Variants in CACNA2D3 observed in about 807,000 individuals in gnomAD.
The protein encoded by CACNA2D3 is voltage-dependent calcium channel subunit alpha-2/delta-3.
Under a neutral mutation model 160.6 loss-of-function variants are expected in CACNA2D3, and 60 were observed. That is an observed-to-expected ratio of 0.37 (90% CI 0.30 to 0.46). The LOEUF (loss-of-function observed/expected upper bound fraction) is 0.46. Among genes scored for constraint, CACNA2D3 ranks in the 20% least tolerant of loss-of-function variants. The pLI, the probability that CACNA2D3 is intolerant of heterozygous loss-of-function variation, is 1.00. For synonymous variants in CACNA2D3, 558 were observed against 492.9 expected (o/e 1.13, Z -1.75); for missense variants, 1,205 against 1,365.0 (o/e 0.88, Z 1.85).
intron 5 of CACNA2D3, among the ~76,000 whole-genome samples, chr3:54,516,584 T>C (rs983230184): frequency 6.6e-6 from 1 of 152,180 alleles, no homozygotes; most frequent in African/African-American, 2.4e-5. Flanking sequence ...TAGAGATCAA[T>C]AAAATGGCCT....
At position 55,073,469 on chromosome 3, in the gene CACNA2D3, A is replaced by G. The variant is rs748601362; in HGVS notation, c.3012A>G (p.Pro1004=). 6 of 1,613,794 alleles carry G rather than the reference A, an allele frequency of 3.7e-6. No homozygotes were observed. Among genetic ancestry groups the G allele is most frequent in the African/African-American group, 1.3e-5 (1 of 74,884 alleles). ...CSKSFVIQQI[P]SSNLFMVVVD... is the part of the protein sequence containing the mutation. ...GGTCCTTTGTCATCCAGCAAATCCC[A>G]AGCAGCAACCTGTTCATGGTGGTGG... is the stretch of plus-strand genomic sequence containing the variant. The change falls in exon 36 of 38, where the codon CCA becomes CCG. Residue 1004 remains proline (P), a synonymous_variant. Coordinates refer to ENST00000474759, the MANE Select transcript of CACNA2D3 (RefSeq NM_018398.3).
At chr3:54,979,871 A>G (rs1411860832) in intron 29 of CACNA2D3, among the ~76,000 whole-genome samples, 2 of 152,222 alleles carry the variant, frequency 1.3e-5, no homozygotes, top group Non-Finnish European at 2.9e-5. Flanking sequence ...GTGGATGATA[A>G]AAAGTCTTAG....
At chr3:54,202,042 G>C (rs1008072404) in intron 2 of CACNA2D3, among the ~76,000 whole-genome samples, 1 of 152,198 alleles carries the variant, frequency 6.6e-6, no homozygotes, top group African/African-American at 2.4e-5. Context: ...ATATAAACAT[G>C]TGCCATGCAA....
intron 13 of CACNA2D3, among the ~76,000 whole-genome samples, chr3:54,797,670 C>A (rs1478643690): frequency 6.6e-6 from 1 of 152,118 alleles, no homozygotes; most frequent in Non-Finnish European, 1.5e-5. Context: ...ATTTAAAGCA[C>A]CTTACTGATT....
intron 14 of CACNA2D3, among the ~76,000 whole-genome samples, chr3:54,833,591 A>G (rs1034900526): frequency 1.1e-4 from 17 of 148,280 alleles, no homozygotes; most frequent in Admixed American, 3.4e-4. Flanking sequence ...GTGGTCTGGG[A>G]AAAAAAAAAC....
At chr3:54,351,430 T>C (rs915837411) in intron 3 of CACNA2D3, among the ~76,000 whole-genome samples, 1 of 152,176 alleles carries the variant, frequency 6.6e-6, no homozygotes, top group Admixed American at 6.5e-5. Context: ...GTTGGAATGG[T>C]GTTCAAACTA....
At chr3:54,291,346 C>T (rs1010203154) in intron 2 of CACNA2D3, among the ~76,000 whole-genome samples, 3 of 152,158 alleles carry the variant, frequency 2.0e-5, no homozygotes, top group Non-Finnish European at 4.4e-5. Context: ...AATGGCATGT[C>T]CATATGTAAA....
chr3:54,226,158 G>T (rs764763666), intron 2 of CACNA2D3, among the ~76,000 whole-genome samples: 2 of 151,966 alleles, frequency 1.3e-5, no homozygotes, highest in Non-Finnish European at 2.9e-5. Context: ...GGTCTGTTTC[G>T]GTTTTCTGCC....
chr3:54,410,585 C>T (rs1317654844), intron 4 of CACNA2D3, among the ~76,000 whole-genome samples: 1 of 152,114 alleles, frequency 6.6e-6, no homozygotes, highest in East Asian at 1.9e-4. Context: ...CTGTTTGCCG[C>T]ATGGTTTACT....
intron 16 of CACNA2D3, among the ~76,000 whole-genome samples, chr3:54,846,125 A>C (rs1284847800): frequency 6.6e-6 from 1 of 152,230 alleles, no homozygotes; most frequent in African/African-American, 2.4e-5. Flanking sequence ...TTTTGTTTTA[A>C]ATAAATCAAA....
chr3:54,920,283 T>A (rs1459469241), intron 27 of CACNA2D3, among the ~76,000 whole-genome samples: 1 of 152,186 alleles, frequency 6.6e-6, no homozygotes, highest in Non-Finnish European at 1.5e-5. Context: ...TAAGTGGCCC[T>A]GTAAGTAGAT....
chr3:54,285,612 G>C (rs1425384576), intron 2 of CACNA2D3, among the ~76,000 whole-genome samples: 7 of 152,226 alleles, frequency 4.6e-5, no homozygotes, highest in Admixed American at 4.6e-4. Context: ...CTGGAGATCT[G>C]AGAATGGACA....
chr3:54,914,842 G>A (rs4468946), intron 27 of CACNA2D3, among the ~76,000 whole-genome samples: 16,957 of 152,250 alleles, frequency 0.11, 959 homozygotes, highest in Middle Eastern at 0.15. Context: ...ATGGATACAG[G>A]GATGGGTTTT....
intron 35 of CACNA2D3, among the ~76,000 whole-genome samples, chr3:55,040,884 A>G (rs1040687631): frequency 7.2e-5 from 11 of 152,088 alleles, no homozygotes; most frequent in African/African-American, 2.4e-4. Flanking sequence ...CCATTTCCCA[A>G]TCCTTCATCC....
intron 10 of CACNA2D3, 34 bp downstream of exon 10, chr3:54,627,910 T>C: frequency 7.2e-7 from 1 of 1,388,984 alleles, no homozygotes; most frequent in Non-Finnish European, 1.0e-6. Context: ...TTCTCATCCC[T>C]TGGAGAATAG....
At chr3:54,297,670 G>A (rs1703372071) in intron 2 of CACNA2D3, among the ~76,000 whole-genome samples, 2 of 151,256 alleles carry the variant, frequency 1.3e-5, no homozygotes, top group Admixed American at 1.3e-4. Context: ...TCTCAAATCA[G>A]GGTGCTTTGT....
At position 54,522,925 on chromosome 3, in the gene CACNA2D3, T is replaced by TTACTTAC. The variant is rs1559503808; in HGVS notation, c.544+19272_544+19273insACTTACT. 8.6e-4 allele frequency among the ~76,000 whole-genome samples: 92 copies of TTACTTAC among 107,402 alleles called. No homozygotes were observed. In the East Asian group the frequency reaches 9.2e-3, roughly 11 times the overall value. 70.5% of individuals were successfully genotyped at this position (107,402 alleles called of 152,430 possible). ...AAAGCACCATTTATTTATTTATTTA[T>TTACTTAC]TTATTTATTTACTTACTTACTTACT... On this transcript the variant is annotated intron_variant, in intron 5 of 37. Coordinates refer to ENST00000474759, the MANE Select transcript of CACNA2D3 (RefSeq NM_018398.3).
In CACNA2D3 at chr3:54,824,272, A is replaced by G. The variant is rs762787307; in HGVS notation, c.1398+7402A>G. ...ATGTCAGATGCTTAGAGCGACATTG[A>G]TCTGAGCATGGGAAATCCACAAAAA... On this transcript the variant is annotated intron_variant, in intron 14 of 37. Coordinates refer to ENST00000474759, the MANE Select transcript of CACNA2D3 (RefSeq NM_018398.3). Among the ~76,000 whole-genome samples, 4 of 152,222 alleles carry G rather than the reference A, an allele frequency of 2.6e-5. 1 individual carries two copies. The highest frequency in any genetic ancestry group is 4.4e-5 in the Non-Finnish European group (3 of 68,042).
At chr3:54,986,838 C>T (rs1374839946) in intron 30 of CACNA2D3, among the ~76,000 whole-genome samples, 1 of 150,166 alleles carries the variant, frequency 6.7e-6, no homozygotes, top group African/African-American at 2.4e-5. Context: ...GGCAGAAGGC[C>T]CTTACTGCAG....
Sources: gnomAD v4.1 joint callset for allele counts (sites outside exome capture counted in the v4.1 genomes callset) on GRCh38, gnomAD v4.1.1 for gene constraint, MANE v1.5 for transcripts, NCBI Gene and HGNC (gene_info 2026-07-23, HGNC 2026-07-21) for gene names.